Variants in ADARB2 observed in about 807,000 individuals in gnomAD.
ADARB2 encodes adenosine deaminase RNA specific B2 (inactive), also known as inactive double-stranded RNA-specific editase B2.
ADARB2 carries 25 observed loss-of-function variants against 62.2 expected under a neutral mutation model. That is an observed-to-expected ratio of 0.40 (90% CI 0.29 to 0.56). The LOEUF is 0.56. ADARB2 is among the 20% of genes least tolerant of loss of function. The pLI, the probability that ADARB2 is intolerant of heterozygous loss-of-function variation, is 0.43. For synonymous variants in ADARB2, 572 were observed against 500.8 expected (o/e 1.14, Z -1.90); for missense variants, 1,071 against 1,077.4 (o/e 0.99, Z 0.08).
chr10:1,282,723 T>G (rs1589177005), intron 3 of ADARB2, among the ~76,000 whole-genome samples: 1 of 152,200 alleles, frequency 6.6e-6, no homozygotes, highest in South Asian at 2.1e-4. Context: ...AATAAGCTTG[T>G]GCCTGATTAA....
intron 1 of ADARB2, among the ~76,000 whole-genome samples, chr10:1,493,777 G>T (rs1169275534): frequency 4.7e-4 from 22 of 47,218 alleles, no homozygotes; most frequent in Non-Finnish European, 7.6e-4. Context: ...TTTTTTTTTT[G>T]AGATAGGGTC....
intron 1 of ADARB2, among the ~76,000 whole-genome samples, chr10:1,475,725 A>C (rs556063124): frequency 3.9e-5 from 6 of 152,346 alleles, no homozygotes; most frequent in Non-Finnish European, 7.4e-5. Context: ...ATTTTGCATA[A>C]ATTTGGATGG....
intron 3 of ADARB2, among the ~76,000 whole-genome samples, chr10:1,284,719 A>T (rs1366189292): frequency 6.6e-6 from 1 of 152,210 alleles, no homozygotes; most frequent in Non-Finnish European, 1.5e-5. Flanking sequence ...GCCTATCTTC[A>T]TGGACACTAC....
chr10:1,209,550 C>CAT (rs1564221309), intron 7 of ADARB2, among the ~76,000 whole-genome samples: 7 of 36,124 alleles, frequency 1.9e-4, no homozygotes, highest in East Asian at 5.9e-4. Flanking sequence ...CACACCCATG[C>CAT]CATCACCCAC....
At chr10:1,262,454 C>T (rs1831150807) in intron 4 of ADARB2, among the ~76,000 whole-genome samples, 1 of 152,002 alleles carries the variant, frequency 6.6e-6, no homozygotes, top group Non-Finnish European at 1.5e-5. Context: ...AATCAAACAA[C>T]CCCATGAAAA....
chr10:1,373,058 A>T (rs1481245753), intron 2 of ADARB2, among the ~76,000 whole-genome samples: 2 of 152,230 alleles, frequency 1.3e-5, no homozygotes, highest in East Asian at 3.8e-4. Flanking sequence ...AAATGTCCAT[A>T]TTGCCCCAAA....
intron 1 of ADARB2, among the ~76,000 whole-genome samples, chr10:1,516,878 G>A (rs879518958): frequency 6.6e-6 from 1 of 152,202 alleles, no homozygotes; most frequent in East Asian, 1.9e-4. Context: ...TGGCTGGGTA[G>A]TTTATTCTAG....
At chr10:1,258,795 A>G (rs373592166) in intron 4 of ADARB2, among the ~76,000 whole-genome samples, 1 of 152,212 alleles carries the variant, frequency 6.6e-6, no homozygotes, top group Non-Finnish European at 1.5e-5. Context: ...TGCACCAAGC[A>G]GACCTAATAG....
At chr10:1,395,816 C>G (rs561000386) in intron 1 of ADARB2, among the ~76,000 whole-genome samples, 377 of 152,328 alleles carry the variant, frequency 2.5e-3, no homozygotes, top group South Asian at 0.024. Context: ...TGTCTCATAG[C>G]GGCTGCCTTC....
At chr10:1,615,845 C>T (rs1186917628) in intron 1 of ADARB2, among the ~76,000 whole-genome samples, 1 of 152,244 alleles carries the variant, frequency 6.6e-6, no homozygotes, top group Non-Finnish European at 1.5e-5. Flanking sequence ...GGTGCTCCTA[C>T]CCAGTGGGGC....
chr10:1,694,530 A>G (rs1834713243), intron 1 of ADARB2, among the ~76,000 whole-genome samples: 1 of 152,142 alleles, frequency 6.6e-6, no homozygotes, highest in East Asian at 1.9e-4. Context: ...TTCCACTAAC[A>G]ATGTGTCTGA....
At chr10:1,668,588 G>A (rs1008675737) in intron 1 of ADARB2, among the ~76,000 whole-genome samples, 1 of 152,140 alleles carries the variant, frequency 6.6e-6, no homozygotes, top group African/African-American at 2.4e-5. Flanking sequence ...AATCACCCAC[G>A]TTCAGGTCAA....
chr10:1,589,776 C>G (rs76422241), intron 1 of ADARB2, among the ~76,000 whole-genome samples: 6,027 of 152,308 alleles, frequency 0.04, 430 homozygotes, highest in African/African-American at 0.13. Flanking sequence ...TGAGTTCAAG[C>G]AATTCTCCAG....
chr10:1,214,914 C>A (rs1837212969), intron 7 of ADARB2, among the ~76,000 whole-genome samples: 1 of 152,222 alleles, frequency 6.6e-6, no homozygotes, highest in East Asian at 1.9e-4. Flanking sequence ...TGCCCAGAGC[C>A]AGGAAGGAAA....
At chr10:1,201,689 C>T (rs982150954) in intron 7 of ADARB2, among the ~76,000 whole-genome samples, 37 of 136,568 alleles carry the variant, frequency 2.7e-4, no homozygotes, top group African/African-American at 9.8e-4. Context: ...GTCGGATGGT[C>T]GGAGGACACA....
At chr10:1,570,459 G>T (rs1832920238) in intron 1 of ADARB2, among the ~76,000 whole-genome samples, 1 of 151,956 alleles carries the variant, frequency 6.6e-6, no homozygotes, top group South Asian at 2.1e-4. Flanking sequence ...CAGGCACCAT[G>T]CTCACCGCAC....
chr10:1,198,704 G>A (rs1836942930), intron 8 of ADARB2, among the ~76,000 whole-genome samples: 1 of 152,244 alleles, frequency 6.6e-6, no homozygotes. Context: ...GATGTCAGGT[G>A]GATCTGAATT....
intron 1 of ADARB2, among the ~76,000 whole-genome samples, chr10:1,440,438 T>C (rs1026903819): frequency 8.8e-5 from 13 of 148,238 alleles, no homozygotes; most frequent in African/African-American, 3.3e-4. Flanking sequence ...TTTTTTTTTC[T>C]TACCATCTTT....
Position 1,178,030 on chromosome 10 carries a change from A to G in ADARB2, c.*5163T>C, listed in dbSNP as rs1445655988. The stretch of plus-strand genomic sequence containing the variant: ...AGCGTTCCTTCTGGTGGGAGGTCAG[A>G]ACATGTGGACACATTCAGGAGAGTC... On this transcript the variant is annotated 3_prime_UTR_variant, in exon 10 of 10. Transcript: ENST00000381312. 3 of 152,218 alleles carry G rather than the reference A, an allele frequency of 2.0e-5. No homozygotes were observed. The highest frequency in any genetic ancestry group is 4.4e-5 in the Non-Finnish European group (3 of 68,038). 9.4% of individuals were successfully genotyped at this position (152,218 alleles called of 1,614,324 possible).
Sources: allele counts gnomAD v4.1 joint callset (sites outside exome capture counted in the v4.1 genomes callset), GRCh38; gene constraint gnomAD v4.1.1; transcripts MANE v1.5; gene names NCBI Gene and HGNC (gene_info 2026-07-23, HGNC 2026-07-21).